Variants in ZNF33B observed in about 807,000 individuals in gnomAD.
ZNF33B encodes the protein zinc finger protein 11b (KOX 2).
A neutral mutation model predicts 45.8 loss-of-function variants in ZNF33B; 29 were observed. The ratio of observed to expected loss-of-function variants is 0.63; its 90% CI spans 0.47 to 0.86. The LOEUF is 0.86. Among genes scored for constraint, ZNF33B ranks in the 40% least tolerant of loss-of-function variants. The probability of loss-of-function intolerance (pLI) is 0.00; values close to 1 mark genes in which losing one functional copy is unlikely to be tolerated. For synonymous variants in ZNF33B, 305 were observed against 307.8 expected, an observed-to-expected ratio of 0.99 and a Z score of 0.10; for missense variants, 831 against 909.9, an observed-to-expected ratio of 0.91 and a Z score of 1.12.
In ZNF33B at chr10:42,591,847, G is replaced by A. The variant is rs2419368; in HGVS notation, c.*766C>T. ...CTGATTCCTTTGTAATCCTGAAACA[G>A]TACAGATCTCAGACTCCTTTTCCAT... On this transcript the variant is annotated 3_prime_UTR_variant, in exon 5 of 5. Transcript: ENST00000359467. 0.18 allele frequency: 27,664 copies of A among 152,394 alleles called. 3,956 individuals are homozygous for A. Among genetic ancestry groups the A allele is most frequent in the African/African-American group, 0.39 (16,306 of 41,458 alleles). 9.4% of individuals were successfully genotyped at this position (152,394 alleles called of 1,614,324 possible).
chr10:42,601,011 T>C (rs1285624328), intron 4 of ZNF33B, among the ~76,000 whole-genome samples: 1 of 152,236 alleles, frequency 6.6e-6, no homozygotes, highest in African/African-American at 2.4e-5. Context: ...TTCAGCTTTG[T>C]TTAACTGGAA....
chr10:42,638,529 C>G lies in ZNF33B; in HGVS notation c.-100G>C, dbSNP rs1196816935. 8.3e-6 allele frequency: 4 copies of G among 482,632 alleles called. No individual in the cohort carries two copies. Among genetic ancestry groups the G allele is most frequent in the African/African-American group, 2.0e-5 (1 of 50,866 alleles). The allele number at this position is 482,632 out of a possible 1,614,324, so 29.9% of individuals were successfully genotyped here. ...AAGAGAGCCGGTAGACCCCTGAAAT[C>G]CCGGGACCGCCTCCCACGCAAAACG... On this transcript the variant is annotated 5_prime_UTR_variant, in exon 1 of 5. Coordinates refer to ENST00000359467, the MANE Select transcript of ZNF33B (RefSeq NM_006955.3).
At chr10:42,617,238 G>A (rs1178758745) in intron 4 of ZNF33B, among the ~76,000 whole-genome samples, 6 of 150,494 alleles carry the variant, frequency 4.0e-5, no homozygotes, top group Admixed American at 4.0e-4. Flanking sequence ...CAAGTAGCTG[G>A]GACCACAGGC....
chr10:42,617,504 C>T (rs1209852580), intron 4 of ZNF33B, among the ~76,000 whole-genome samples: 3 of 152,194 alleles, frequency 2.0e-5, no homozygotes, highest in Non-Finnish European at 4.4e-5. Context: ...TGCAGAACTA[C>T]AGTCCAATAT....
At chr10:42,604,633 C>T (rs543383188) in intron 4 of ZNF33B, among the ~76,000 whole-genome samples, 1 of 152,222 alleles carries the variant, frequency 6.6e-6, no homozygotes, top group South Asian at 2.1e-4. Context: ...AAAGACTTGG[C>T]CAGGTGGGGT....
At chr10:42,602,636 T>C (rs1054272231) in intron 4 of ZNF33B, among the ~76,000 whole-genome samples, 2 of 152,136 alleles carry the variant, frequency 1.3e-5, no homozygotes, top group African/African-American at 2.4e-5. Context: ...GGTCTTGCTT[T>C]TATGATTTCT....
rs537283569 is a variant in ZNF33B, at chr10:42,589,879, G to A, written c.*2734C>T. 2 of 152,258 alleles carry A rather than the reference G, an allele frequency of 1.3e-5. No homozygotes were observed. Among genetic ancestry groups the A allele is most frequent in the East Asian group, 3.9e-4 (2 of 5,172 alleles). 9.4% of individuals were successfully genotyped at this position (152,258 alleles called of 1,614,324 possible). ...GTTCCTTGCCATGTTCCTGATCTTAGTAGGAAAGCATTTAGTTGGAAACAT... is the reference window on the plus strand; with the variant it reads ...GTTCCTTGCCATGTTCCTGATCTTAATAGGAAAGCATTTAGTTGGAAACAT... On this transcript the variant is annotated 3_prime_UTR_variant, in exon 5 of 5. Transcript: ENST00000359467.
At chr10:42,588,252 C>G (rs1320680857), downstream of ZNF33B, among the ~76,000 whole-genome samples, 1 of 152,214 alleles carries the variant, frequency 6.6e-6, no homozygotes, top group Non-Finnish European at 1.5e-5. Context: ...GGAGAGCACT[C>G]TTGTCCTGCA....
At chr10:42,634,881 G>A (rs1839217050) in intron 2 of ZNF33B, among the ~76,000 whole-genome samples, 1 of 152,180 alleles carries the variant, frequency 6.6e-6, no homozygotes. Flanking sequence ...ATCTAAAATA[G>A]CACACACCAT....
chr10:42,576,307 T>A (rs1019434266), intron 1 of ZNF33B, among the ~76,000 whole-genome samples: 1 of 152,136 alleles, frequency 6.6e-6, no homozygotes, highest in Non-Finnish European at 1.5e-5. Context: ...ATTTTTATCA[T>A]AGGTACTAAT....
chr10:42,578,799 G>A (rs1284538185), intron 1 of ZNF33B: 1 of 152,252 alleles, frequency 6.6e-6, no homozygotes. Context: ...CAGATGAATG[G>A]AGATGTGGGA....
intron 1 of ZNF33B, among the ~76,000 whole-genome samples, chr10:42,575,143 T>C (rs181468854): frequency 6.6e-6 from 1 of 152,360 alleles, no homozygotes; most frequent in East Asian, 1.9e-4. Flanking sequence ...CTTCTTTATT[T>C]GGAGATGACT....
chr10:42,631,990 C>A lies in ZNF33B; in HGVS notation c.189G>T (p.Arg63Ser), dbSNP rs200694110. ...YCAHKPEVIFRLEQGEEPWRL... is the reference protein window; with the variant it reads ...YCAHKPEVIFSLEQGEEPWRL... ...TCCATGGTTCTTCTCCTTGTTCCAGCCTGAAGATCACCTCTGGTTTGTGAG... is the reference window on the plus strand; with the variant it reads ...TCCATGGTTCTTCTCCTTGTTCCAGACTGAAGATCACCTCTGGTTTGTGAG... The change falls in exon 4 of 5, where the codon AGG (arginine) becomes AGT (serine). Residue 63 changes from arginine to serine, a missense_variant. Physicochemically the swap from Arg to Ser is moderately radical, Grantham distance 110 (BLOSUM62 -1). Coordinates refer to ENST00000359467, the MANE Select transcript of ZNF33B (RefSeq NM_006955.3). The A allele has an allele frequency of 6.2e-7, 1 of 1,614,096 alleles. No homozygotes were observed. Among genetic ancestry groups the A allele is most frequent in the Non-Finnish European group, 8.5e-7 (1 of 1,180,026 alleles).
intron 4 of ZNF33B, among the ~76,000 whole-genome samples, chr10:42,624,460 A>G (rs1021059691): frequency 2.0e-5 from 3 of 152,238 alleles, no homozygotes; most frequent in African/African-American, 7.2e-5. Flanking sequence ...AGGGCGATAC[A>G]TTCCAAGACG....
At chr10:42,627,144 C>T (rs1486513419) in intron 4 of ZNF33B, among the ~76,000 whole-genome samples, 1 of 136,434 alleles carries the variant, frequency 7.3e-6, no homozygotes, top group African/African-American at 2.5e-5. Flanking sequence ...GCTGGGATTA[C>T]AGGCGTGCAC....
Position 42,632,425 on chromosome 10 carries a change from G to C in ZNF33B, c.24C>G (p.Phe8Leu). Residue 8 changes from phenylalanine (F) to leucine (L), a missense_variant, in exon 3 of 5, where the codon TTC becomes TTG. Transcript: ENST00000359467. ...CATCTTTAAATGATACTGACCCCTG[G>C]AACTTCTGATCTACCTGAAATGTTC... MNKVDQK[F>L]QGSVSFKDVT... 3 of 1,613,232 alleles carry C rather than the reference G, an allele frequency of 1.9e-6. No homozygotes were observed. The South Asian group carries it at 3.3e-5, about 18-fold the overall frequency.
In ZNF33B at chr10:42,594,505, A is replaced by C; in HGVS notation, c.445T>G (p.Phe149Val). ...ATAACCAATTCTGAAACAGTGTTGA[A>C]ACTCATTCCACGTGAGTCATACTGA... Reference protein sequence around the residue: ...FCQYDSRGMSFNTVSELVISK... With the variant: ...FCQYDSRGMSVNTVSELVISK... Residue 149 changes from phenylalanine (F) to valine (V), a missense_variant, in exon 5 of 5, where the codon TTC becomes GTC. Phe to Val is a conservative substitution (Grantham distance 50). Transcript: ENST00000359467. 1.2e-6 allele frequency: 2 copies of C among 1,613,248 alleles called. No homozygotes were observed. The highest frequency in any genetic ancestry group is 1.7e-5 in the Admixed American group (1 of 59,900).
At chr10:42,613,715 A>C (rs1370270726) in intron 4 of ZNF33B, among the ~76,000 whole-genome samples, 3 of 152,216 alleles carry the variant, frequency 2.0e-5, no homozygotes, top group African/African-American at 7.2e-5. Context: ...AGCTTAAGAG[A>C]GATACAGATG....
At chr10:42,632,518 T>C in intron 2 of ZNF33B, 79 bp from the exon 3 acceptor site, 2 of 1,532,788 alleles carry the variant, frequency 1.3e-6, no homozygotes, top group South Asian at 2.5e-5. Context: ...ACAGAATATT[T>C]GTTTTGCTTT....
Sources: gnomAD v4.1 joint callset for allele counts (sites outside exome capture counted in the v4.1 genomes callset) on GRCh38, gnomAD v4.1.1 for gene constraint, MANE v1.5 for transcripts, NCBI Gene and HGNC (gene_info 2026-07-23, HGNC 2026-07-21) for gene names.